Variants in PTPA observed in about 807,000 individuals in gnomAD.
The protein encoded by PTPA is protein phosphatase 2 phosphatase activator.
In PTPA, 13 loss-of-function variants were observed where a neutral mutation model predicts 43.6. The ratio of observed to expected loss-of-function variants is 0.30; its 90% CI spans 0.19 to 0.47. The LOEUF (loss-of-function observed/expected upper bound fraction) is 0.47. Ranked by LOEUF, PTPA falls within the 20% of genes least tolerant of loss-of-function variation. The probability of loss-of-function intolerance (pLI) is 0.99; values close to 1 mark genes in which losing one functional copy is unlikely to be tolerated. For missense variants in PTPA, 329 were observed against 411.9 expected, an observed-to-expected ratio of 0.80 and a Z score of 1.74; for synonymous variants, 172 against 158.2, an observed-to-expected ratio of 1.09 and a Z score of -0.66.
chr9:129,116,384 CTTT>C (rs142067473), intron 1 of PTPA, among the ~76,000 whole-genome samples: 1 of 107,702 alleles, frequency 9.3e-6, no homozygotes, highest in East Asian at 2.7e-4. Flanking sequence ...GACAGGGTTT[CTTT>C]TTTTTTTTTT....
At chr9:129,144,567 T>C (rs1179899989) in intron 9 of PTPA, among the ~76,000 whole-genome samples, 1 of 150,278 alleles carries the variant, frequency 6.7e-6, no homozygotes, top group Non-Finnish European at 1.5e-5. Flanking sequence ...TGAAACCCCG[T>C]CTCTACTAAA....
At chr9:129,137,995 G>A (rs1458625315) in intron 8 of PTPA, 8 of 403,856 alleles carry the variant, frequency 2.0e-5, no homozygotes, top group Admixed American at 7.3e-5. Context: ...TGAAAGGGTC[G>A]GGGCGGGCGG....
chr9:129,142,652 C>T (rs753845130), intron 9 of PTPA, 100 bp downstream of exon 9: 5 of 1,559,842 alleles, frequency 3.2e-6, no homozygotes, highest in African/African-American at 1.4e-5. Flanking sequence ...CTGCTTCCTC[C>T]TACCCCACTG....
chr9:129,118,838 A>C (rs914591916), intron 1 of PTPA, among the ~76,000 whole-genome samples: 2 of 143,862 alleles, frequency 1.4e-5, no homozygotes, highest in African/African-American at 5.2e-5. Flanking sequence ...TTGATGCATT[A>C]AACACCTTTG....
At chr9:129,123,186 C>T (rs1849369210) in intron 3 of PTPA, 48 bp downstream of exon 3, 1 of 1,502,630 alleles carries the variant, frequency 6.7e-7, no homozygotes. Flanking sequence ...AAAATAGCTC[C>T]AGAGTCACTG....
chr9:129,113,634 GTGGCACACGTC>G (rs147030881), intron 1 of PTPA, among the ~76,000 whole-genome samples: 9,315 of 151,996 alleles, frequency 0.061, 920 homozygotes, highest in African/African-American at 0.21. Flanking sequence ...GCTGGGTGTG[GTGGCACACGTC>G]TGTAATCGCA....
intron 9 of PTPA, among the ~76,000 whole-genome samples, chr9:129,145,727 CGG>C (rs1177682327): frequency 6.6e-6 from 1 of 151,848 alleles, no homozygotes; most frequent in Non-Finnish European, 1.5e-5. Context: ...TGCGGGGCGG[CGG>C]GGGGGAGGGT....
chr9:129,133,285 C>A (rs1028624212), intron 5 of PTPA, among the ~76,000 whole-genome samples: 8 of 152,112 alleles, frequency 5.3e-5, no homozygotes, highest in Non-Finnish European at 1.2e-4. Flanking sequence ...GGAGAAGGGC[C>A]CTCTTGGACC....
chr9:129,121,326 A>G (rs1018575273), intron 2 of PTPA, among the ~76,000 whole-genome samples: 5 of 152,216 alleles, frequency 3.3e-5, no homozygotes, highest in African/African-American at 1.2e-4. Context: ...CAGGAGACCC[A>G]CACCCTACAG....
chr9:129,144,120 C>T (rs1414477585), intron 9 of PTPA, among the ~76,000 whole-genome samples: 1 of 151,730 alleles, frequency 6.6e-6, no homozygotes, highest in Admixed American at 6.6e-5. Context: ...GGCAAGAGAC[C>T]CTGTCCCCTT....
At chr9:129,147,202 CGTT>C (rs1264512363) in intron 9 of PTPA, among the ~76,000 whole-genome samples, 182 bp from the exon 10 acceptor site, 1 of 152,096 alleles carries the variant, frequency 6.6e-6, no homozygotes, top group Non-Finnish European at 1.5e-5. Context: ...TCGTGGGTCT[CGTT>C]GTGGAGTGGG....
At chr9:129,111,716 A>G (rs1848505591) in intron 1 of PTPA, 85 bp downstream of exon 1, 1 of 1,240,902 alleles carries the variant, frequency 8.1e-7, no homozygotes, top group Non-Finnish European at 1.0e-6. Flanking sequence ...GGCGAGAGTC[A>G]TGACACGGAG....
intron 1 of PTPA, among the ~76,000 whole-genome samples, chr9:129,117,706 C>CT (rs34541460): frequency 0.6 from 85,174 of 141,240 alleles, 26,701 homozygotes; most frequent in Non-Finnish European, 0.7. Flanking sequence ...CACCCAGCCT[C>CT]TTTTTTTTTT....
chr9:129,116,647 A>C (rs1210630153), intron 1 of PTPA, among the ~76,000 whole-genome samples: 1 of 151,970 alleles, frequency 6.6e-6, no homozygotes, highest in Non-Finnish European at 1.5e-5. Context: ...GGCCTCCCAA[A>C]GTGCTGGGAT....
At chr9:129,117,592 G>A (rs55998128) in intron 1 of PTPA, among the ~76,000 whole-genome samples, 5,593 of 150,206 alleles carry the variant, frequency 0.037, 323 homozygotes, top group African/African-American at 0.13. Flanking sequence ...TTTAGTAGAG[G>A]TGGAATTTCG....
chr9:129,118,261 C>T (rs1010811341), intron 1 of PTPA, among the ~76,000 whole-genome samples: 4 of 151,602 alleles, frequency 2.6e-5, no homozygotes, highest in African/African-American at 4.9e-5. Flanking sequence ...ACCTTGTTGG[C>T]CAGGCTGGTT....
At chr9:129,135,153 G>A (rs534846793) in intron 6 of PTPA, among the ~76,000 whole-genome samples, 2 of 152,326 alleles carry the variant, frequency 1.3e-5, no homozygotes, top group South Asian at 4.1e-4. Context: ...CCAGGACTTT[G>A]GGAGGCCCAG....
intron 1 of PTPA, among the ~76,000 whole-genome samples, chr9:129,116,311 A>G (rs757972890): frequency 6.6e-6 from 1 of 151,126 alleles, no homozygotes; most frequent in Non-Finnish European, 1.5e-5. Flanking sequence ...CAGCCTCCCA[A>G]GTAGCTGGGA....
At chr9:129,122,999 CG>C (rs1554730776) in intron 2 of PTPA, 52 bp from the exon 3 acceptor site, 55 of 1,325,436 alleles carry the variant, frequency 4.1e-5, no homozygotes, top group Admixed American at 2.5e-4. Flanking sequence ...GCAGGTGGGG[CG>C]GGGGGGTCTG....
Sources: gnomAD v4.1 joint callset for allele counts (sites outside exome capture counted in the v4.1 genomes callset) on GRCh38, gnomAD v4.1.1 for gene constraint, MANE v1.5 for transcripts, NCBI Gene and HGNC (gene_info 2026-07-23, HGNC 2026-07-21) for gene names.